UBAP2: variants seen among roughly 807,000 people sequenced by gnomAD.
UBAP2 encodes the protein ubiquitin-associated protein 2.
UBAP2 carries 75 observed loss-of-function variants against 139.6 expected under a neutral mutation model. That is an observed-to-expected ratio of 0.54 (90% confidence interval 0.45 to 0.65). UBAP2 has a LOEUF of 0.65. Among genes scored for constraint, UBAP2 ranks in the 30% least tolerant of loss-of-function variants. The pLI is 0.00. For missense variants in UBAP2, 1,368 were observed against 1,369.6 expected (o/e 1.00, Z 0.02); for synonymous variants, 526 against 526.2 (o/e 1.00, Z 0.01).
intron 1 of UBAP2, among the ~76,000 whole-genome samples, chr9:34,023,872 A>T (rs962021368): frequency 2.0e-5 from 3 of 151,884 alleles, no homozygotes; most frequent in African/African-American, 7.3e-5. Context: ...GTGAAACCCC[A>T]TCTCTACTAA....
intron 1 of UBAP2, among the ~76,000 whole-genome samples, chr9:34,019,229 C>G (rs1824678143): frequency 6.6e-6 from 1 of 151,992 alleles, no homozygotes; most frequent in Non-Finnish European, 1.5e-5. Context: ...ATGGTGAAAC[C>G]CCGTCTCTAC....
At chr9:34,005,265 G>GAAAA (rs1023617544) in intron 2 of UBAP2, among the ~76,000 whole-genome samples, 1 of 88,464 alleles carries the variant, frequency 1.1e-5, no homozygotes, top group Non-Finnish European at 2.3e-5. Context: ...TGTGTCTCAA[G>GAAAA]AAAAAAAAAA....
intron 17 of UBAP2, among the ~76,000 whole-genome samples, chr9:33,935,163 C>CG (rs11317017): frequency 0.087 from 7,575 of 86,830 alleles, 843 homozygotes; most frequent in East Asian, 0.1. Context: ...TTGGAAGTGG[C>CG]GGGGGGGGGG....
intron 17 of UBAP2, chr9:33,935,618 T>G: frequency 1.7e-6 from 1 of 600,208 alleles, no homozygotes; most frequent in Non-Finnish European, 3.0e-6. Flanking sequence ...GCAGTCTGAT[T>G]AGGGCAGAAG....
At chr9:34,037,235 G>A (rs1286600751) in intron 1 of UBAP2, among the ~76,000 whole-genome samples, 6 of 152,032 alleles carry the variant, frequency 3.9e-5, no homozygotes, top group African/African-American at 9.7e-5. Flanking sequence ...TGATCCGCCC[G>A]CCTCGGCCCC....
At chr9:33,958,900 G>C (rs1826792976) in intron 10 of UBAP2, among the ~76,000 whole-genome samples, 1 of 151,740 alleles carries the variant, frequency 6.6e-6, no homozygotes, top group South Asian at 2.1e-4. Flanking sequence ...TGTAATCCCA[G>C]ACCTTTGAGA....
intron 1 of UBAP2, among the ~76,000 whole-genome samples, chr9:34,045,594 G>A (rs373021130): frequency 2.0e-4 from 30 of 151,838 alleles, no homozygotes; most frequent in Admixed American, 1.8e-3. Flanking sequence ...GGTTAGTCTC[G>A]AACTCCCGAC....
intron 8 of UBAP2, chr9:33,968,192 G>C: frequency 1.6e-6 from 1 of 614,332 alleles, no homozygotes; most frequent in South Asian, 1.4e-5. Context: ...TGGGATATTT[G>C]GTGCATTCGA....
chr9:34,009,792 A>T (rs1823582048), intron 2 of UBAP2, among the ~76,000 whole-genome samples: 1 of 150,768 alleles, frequency 6.6e-6, no homozygotes, highest in South Asian at 2.1e-4. Flanking sequence ...TGAAAAATAA[A>T]TGACTTATAT....
chr9:33,997,265 C>G (rs1368545922), intron 3 of UBAP2: 1 of 152,172 alleles, frequency 6.6e-6, no homozygotes, highest in East Asian at 1.9e-4. Flanking sequence ...CTAGAACGAT[C>G]ACAGACTAGG....
chr9:33,980,485 C>T (rs1427147366), intron 6 of UBAP2, among the ~76,000 whole-genome samples: 2 of 151,534 alleles, frequency 1.3e-5, no homozygotes, highest in Non-Finnish European at 2.9e-5. Context: ...TCGTGATCTG[C>T]CCGCCTTGGC....
intron 1 of UBAP2, among the ~76,000 whole-genome samples, chr9:34,042,949 T>C (rs1168741017): frequency 6.6e-6 from 1 of 151,830 alleles, no homozygotes; most frequent in African/African-American, 2.4e-5. Context: ...ATCCCTGTGG[T>C]CCAAGCTACT....
At chr9:33,926,820 G>T (rs1019333463) in intron 21 of UBAP2, among the ~76,000 whole-genome samples, 156 bp from the exon 22 acceptor site, 3 of 152,196 alleles carry the variant, frequency 2.0e-5, no homozygotes, top group African/African-American at 7.2e-5. Flanking sequence ...CCTTCACGGA[G>T]TCTAGATGGA....
intron 1 of UBAP2, among the ~76,000 whole-genome samples, chr9:34,028,216 C>T (rs569026146): frequency 3.9e-4 from 59 of 152,082 alleles, no homozygotes; most frequent in Middle Eastern, 6.8e-3. Flanking sequence ...CTGGTGAACT[C>T]AAACACTATA....
intron 8 of UBAP2, among the ~76,000 whole-genome samples, chr9:33,969,616 C>T (rs1442246475): frequency 1.3e-5 from 2 of 150,466 alleles, no homozygotes; most frequent in African/African-American, 4.8e-5. Flanking sequence ...CCTATAATCC[C>T]ATCACTTTGG....
intron 4 of UBAP2, among the ~76,000 whole-genome samples, chr9:33,991,679 C>T (rs1396550483): frequency 6.6e-6 from 1 of 151,964 alleles, no homozygotes. Flanking sequence ...TTATCTATGC[C>T]AGAGAAAATA....
intron 2 of UBAP2, among the ~76,000 whole-genome samples, chr9:34,013,994 T>A (rs991052364): frequency 2.0e-5 from 3 of 151,952 alleles, no homozygotes; most frequent in Admixed American, 2.0e-4. Context: ...TAAACATCAA[T>A]AATTTTCCTA....
At chr9:34,029,755 C>A (rs1463615659) in intron 1 of UBAP2, among the ~76,000 whole-genome samples, 1 of 142,278 alleles carries the variant, frequency 7.0e-6, no homozygotes, top group Non-Finnish European at 1.5e-5. Context: ...TTTGGGAGGC[C>A]AAGGCAGGTG....
chr9:34,017,111 G>A lies in UBAP2; in HGVS notation c.38C>T (p.Ala13Val). 6.2e-7 allele frequency: 1 copy of A among 1,612,014 alleles called. No individual in the cohort carries two copies. Among genetic ancestry groups the A allele is most frequent in the Non-Finnish European group, 8.5e-7 (1 of 1,179,514 alleles). ...TGCTGAAATCTGTGGTTTTTCCCGA[G>A]CACCTCGACAATGGTCACTGCTCAC... is the stretch of plus-strand genomic sequence containing the variant. Reference protein sequence around the residue: ...TSVSSDHCRGAREKPQISAAQ... With the variant: ...TSVSSDHCRGVREKPQISAAQ... The change falls in exon 2 of 29, where the codon GCT (alanine) becomes GTT (valine). Residue 13 changes from alanine to valine, a missense_variant. Transcript: ENST00000379238.
Sources: allele counts gnomAD v4.1 joint callset (sites outside exome capture counted in the v4.1 genomes callset), GRCh38; gene constraint gnomAD v4.1.1; transcripts MANE v1.5; gene names NCBI Gene and HGNC (gene_info 2026-07-23, HGNC 2026-07-21).